ARHGAP15: variants seen among roughly 807,000 people sequenced by gnomAD.
ARHGAP15 encodes rho GTPase-activating protein 15.
A neutral mutation model predicts 63.7 loss-of-function variants in ARHGAP15; 51 were observed. The observed-to-expected ratio is 0.80, with a 90% CI of 0.64 to 1.01. ARHGAP15 has a LOEUF of 1.01. ARHGAP15 is among the 50% of genes least tolerant of loss of function. The pLI is 0.00. For synonymous variants in ARHGAP15, 191 were observed against 193.8 expected (o/e 0.99, Z 0.12); for missense variants, 560 against 564.6 (o/e 0.99, Z 0.08).
intron 6 of ARHGAP15, among the ~76,000 whole-genome samples, chr2:143,361,104 A>C (rs1451996611): frequency 6.6e-6 from 1 of 152,186 alleles, no homozygotes; most frequent in Non-Finnish European, 1.5e-5. Context: ...AGAATTGCAG[A>C]GAGAGAAGCT....
intron 13 of ARHGAP15, among the ~76,000 whole-genome samples, chr2:143,716,640 C>A (rs533387102): frequency 6.6e-6 from 1 of 152,258 alleles, no homozygotes; most frequent in South Asian, 2.1e-4. Flanking sequence ...TTTTATGGAG[C>A]AAACTTCAAA....
At chr2:143,681,592 T>C (rs1375207559) in intron 12 of ARHGAP15, among the ~76,000 whole-genome samples, 1 of 152,232 alleles carries the variant, frequency 6.6e-6, no homozygotes, top group Non-Finnish European at 1.5e-5. Context: ...TTTTCTGTGG[T>C]AAGCATAGCG....
intron 8 of ARHGAP15, among the ~76,000 whole-genome samples, chr2:143,443,114 A>T (rs1395186445): frequency 1.3e-5 from 2 of 152,198 alleles, no homozygotes; most frequent in African/African-American, 4.8e-5. Context: ...TGTAATTATC[A>T]ATTGTTAAAA....
chr2:143,574,359 T>C (rs188089479), intron 11 of ARHGAP15, among the ~76,000 whole-genome samples: 21 of 152,256 alleles, frequency 1.4e-4, no homozygotes, highest in Admixed American at 3.3e-4. Flanking sequence ...TGGAAGCAGG[T>C]CATTTGCTCA....
intron 6 of ARHGAP15, among the ~76,000 whole-genome samples, chr2:143,296,544 TTTGGGTAAAAAG>T (rs1394670485): frequency 6.6e-6 from 1 of 152,016 alleles, no homozygotes; most frequent in Admixed American, 6.6e-5. Flanking sequence ...CTCAGAAACC[TTTGGGTAAAAAG>T]TTAGGCTTCA....
At chr2:143,624,011 C>G (rs1698742336) in intron 11 of ARHGAP15, 122 bp from the exon 12 acceptor site, 9 of 1,188,194 alleles carry the variant, frequency 7.6e-6, no homozygotes, top group Non-Finnish European at 1.1e-5. Context: ...AGCACCAAAC[C>G]TCTAGGTGCA....
At chr2:143,707,556 A>G (rs1271349238) in intron 13 of ARHGAP15, among the ~76,000 whole-genome samples, 1 of 152,206 alleles carries the variant, frequency 6.6e-6, no homozygotes. Flanking sequence ...ATGGACAGCT[A>G]ACATATCGGA....
intron 13 of ARHGAP15, among the ~76,000 whole-genome samples, chr2:143,750,867 A>C (rs1686345526): frequency 6.6e-6 from 1 of 152,242 alleles, no homozygotes; most frequent in East Asian, 1.9e-4. Flanking sequence ...ATAAAGTACT[A>C]TACAGATATA....
intron 6 of ARHGAP15, among the ~76,000 whole-genome samples, chr2:143,367,141 T>G (rs1409947368): frequency 6.6e-6 from 1 of 152,044 alleles, no homozygotes; most frequent in Non-Finnish European, 1.5e-5. Context: ...TTAATTTCCT[T>G]CAACAGTTTT....
intron 1 of ARHGAP15, among the ~76,000 whole-genome samples, chr2:143,132,199 A>G (rs1688940363): frequency 6.6e-6 from 1 of 152,244 alleles, no homozygotes; most frequent in Non-Finnish European, 1.5e-5. Flanking sequence ...TGCCCTTGTA[A>G]GTATTCTAAA....
intron 10 of ARHGAP15, among the ~76,000 whole-genome samples, chr2:143,538,206 T>C (rs1378690656): frequency 6.6e-6 from 1 of 152,200 alleles, no homozygotes; most frequent in African/African-American, 2.4e-5. Flanking sequence ...ATAGGAATGC[T>C]TGTGATTTTT....
intron 2 of ARHGAP15, among the ~76,000 whole-genome samples, chr2:143,196,159 G>A (rs777244355): frequency 4.6e-5 from 7 of 151,806 alleles, no homozygotes; most frequent in African/African-American, 1.5e-4. Context: ...TTTTCATTTC[G>A]CTTTGCACAA....
At chr2:143,630,058 T>C (rs1409110580) in intron 12 of ARHGAP15, among the ~76,000 whole-genome samples, 1 of 152,172 alleles carries the variant, frequency 6.6e-6, no homozygotes, top group East Asian at 1.9e-4. Context: ...TCCTATGTCA[T>C]CTTATATAAG....
intron 12 of ARHGAP15, among the ~76,000 whole-genome samples, chr2:143,635,489 A>G (rs1179475031): frequency 1.3e-5 from 2 of 152,000 alleles, no homozygotes; most frequent in African/African-American, 4.8e-5. Context: ...CAATACAAGA[A>G]TTTTCCTTAA....
chr2:143,599,256 A>G (rs1165096827), intron 11 of ARHGAP15, among the ~76,000 whole-genome samples: 2 of 152,194 alleles, frequency 1.3e-5, no homozygotes, highest in Non-Finnish European at 2.9e-5. Flanking sequence ...ACAAAAAACC[A>G]TGTTAATGAA....
At chr2:143,673,758 G>GTGTGTGTATATA (rs1553520615) in intron 12 of ARHGAP15, among the ~76,000 whole-genome samples, 10 of 22,128 alleles carry the variant, frequency 4.5e-4, no homozygotes, top group African/African-American at 6.5e-4. Context: ...GTGTGTGTGT[G>GTGTGTGTATATA]TATATATATA....
At chr2:143,620,291 C>T (rs541122479) in intron 11 of ARHGAP15, among the ~76,000 whole-genome samples, 3 of 152,096 alleles carry the variant, frequency 2.0e-5, no homozygotes, top group East Asian at 3.9e-4. Context: ...TTTTCCTACT[C>T]TATCATATTT....
At chr2:143,727,062 G>A (rs1003784743) in intron 13 of ARHGAP15, among the ~76,000 whole-genome samples, 3 of 152,166 alleles carry the variant, frequency 2.0e-5, no homozygotes, top group South Asian at 2.1e-4. Context: ...CTTTCCACTC[G>A]GCTTGCTGGT....
At chr2:143,725,987 T>C (rs969802389) in intron 13 of ARHGAP15, among the ~76,000 whole-genome samples, 1 of 152,224 alleles carries the variant, frequency 6.6e-6, no homozygotes, top group Non-Finnish European at 1.5e-5. Flanking sequence ...TCTTTGTGCA[T>C]GTATAAAAGA....
Sources: allele counts gnomAD v4.1 joint callset (sites outside exome capture counted in the v4.1 genomes callset), GRCh38; gene constraint gnomAD v4.1.1; transcripts MANE v1.5; gene names NCBI Gene and HGNC (gene_info 2026-07-23, HGNC 2026-07-21).